The following HDLBP variants were observed in gnomAD, a reference collection of about 807,000 sequenced individuals.
HDLBP encodes high density lipoprotein binding protein.
Under a neutral mutation model 137.3 loss-of-function variants are expected in HDLBP, and 30 were observed. The ratio of observed to expected loss-of-function variants is 0.22; its 90% CI spans 0.16 to 0.30. The LOEUF is 0.30. Among genes scored for constraint, HDLBP ranks in the 10% least tolerant of loss-of-function variants. The probability of loss-of-function intolerance (pLI) is 1.00; values close to 1 mark genes in which losing one functional copy is unlikely to be tolerated. For missense variants in HDLBP, 1,119 were observed against 1,667.3 expected, an observed-to-expected ratio of 0.67 and a Z score of 5.73; for synonymous variants, 606 against 596.0, an observed-to-expected ratio of 1.02 and a Z score of -0.24.
chr2:241,277,736 C>G (rs868458980), intron 1 of HDLBP, among the ~76,000 whole-genome samples: 1 of 151,962 alleles, frequency 6.6e-6, no homozygotes, highest in Non-Finnish European at 1.5e-5. Context: ...CCGAGGCGGG[C>G]GGATCACCTG....
Position 241,230,141 on chromosome 2 carries a change from A to G in HDLBP, c.3591+12T>C. 1.2e-6 allele frequency: 2 copies of G among 1,606,050 alleles called. 1 individual carries two copies. The highest frequency in any genetic ancestry group is 2.2e-5 in the South Asian group (2 of 90,940). On this transcript the variant is annotated intron_variant, in intron 26 of 27. Transcript: ENST00000310931. The surrounding 1 kb of genome is among the most constrained non-coding windows in gnomAD (Gnocchi z 5.0). ...AGGGCGCCTCAGGGCTCCAAGGCCC[A>G]CAGAGACTCACGTATTCCTCCTCCA... is the stretch of plus-strand genomic sequence containing the variant.
At chr2:241,282,690 C>A (rs1268497308) in intron 1 of HDLBP, among the ~76,000 whole-genome samples, 3 of 152,136 alleles carry the variant, frequency 2.0e-5, no homozygotes, top group Non-Finnish European at 4.4e-5. Flanking sequence ...GATCTGTAAT[C>A]CTTGATGTTA....
chr2:241,297,192 G>A (rs1397476676), intron 1 of HDLBP, among the ~76,000 whole-genome samples: 1 of 152,246 alleles, frequency 6.6e-6, no homozygotes, highest in East Asian at 1.9e-4. Flanking sequence ...CCCAAGTGGA[G>A]TGAGGAAGAT....
chr2:241,253,595 C>T (rs2072377163), intron 9 of HDLBP, 98 bp from the exon 10 acceptor site: 1 of 772,274 alleles, frequency 1.3e-6, no homozygotes, highest in African/African-American at 1.7e-5. Flanking sequence ...CTTCTGATCC[C>T]AAACTGCTTC....
intron 1 of HDLBP, among the ~76,000 whole-genome samples, chr2:241,278,513 G>A (rs1014332592): frequency 5.9e-5 from 9 of 151,950 alleles, no homozygotes; most frequent in Non-Finnish European, 1.3e-4. Context: ...AACCCGGGAG[G>A]TGGAGGTTGC....
chr2:241,276,139 G>A (rs1481666398), intron 1 of HDLBP, among the ~76,000 whole-genome samples: 1 of 152,200 alleles, frequency 6.6e-6, no homozygotes, highest in Non-Finnish European at 1.5e-5. Flanking sequence ...GTGGAAGGGG[G>A]ATATGAAGTT....
chr2:241,242,803 T>A, intron 16 of HDLBP, 125 bp from the exon 17 acceptor site: 1 of 842,160 alleles, frequency 1.2e-6, no homozygotes, highest in African/African-American at 1.7e-5. Flanking sequence ...AGATGCCACT[T>A]ACAAGCACTG....
intron 16 of HDLBP, among the ~76,000 whole-genome samples, chr2:241,244,718 C>T (rs993804120): frequency 2.0e-5 from 3 of 152,080 alleles, no homozygotes; most frequent in Non-Finnish European, 2.9e-5. Flanking sequence ...ACAAGGATCA[C>T]GCCAAGAAAT....
chr2:241,256,091 T>TA, intron 7 of HDLBP, 93 bp downstream of exon 7: 1 of 1,053,946 alleles, frequency 9.5e-7, no homozygotes, highest in Non-Finnish European at 1.4e-6. Context: ...GACAAAAAGA[T>TA]AAGGGGCAGA....
chr2:241,272,589 A>C lies in HDLBP; in HGVS notation c.-102-4048T>G, dbSNP rs1160432893. On this transcript the variant is annotated intron_variant, in intron 1 of 27. Coordinates refer to ENST00000310931, the MANE Select transcript of HDLBP (RefSeq NM_005336.6). The surrounding 1 kb of genome is among the most constrained non-coding windows in gnomAD (Gnocchi z 5.6). ...GGAACCGCCACGCGCGGTAAGCAGG[A>C]CACCCGCGGGCGGGGGCCGCAGCCT... The C allele has an allele frequency of 1.0e-6, 1 of 983,242 alleles. No individual in the cohort carries two copies. The highest frequency in any genetic ancestry group is 1.2e-4 in the East Asian group (1 of 8,656). 60.9% of individuals were successfully genotyped at this position (983,242 alleles called of 1,614,324 possible).
In HDLBP at chr2:241,230,130, C is replaced by T. The variant is rs1452470218; in HGVS notation, c.3591+23G>A. Reference sequence around the variant, plus strand: ...GTGGACGTGCCAGGGCGCCTCAGGGCTCCAAGGCCCACAGAGACTCACGTA... The same window carrying T: ...GTGGACGTGCCAGGGCGCCTCAGGGTTCCAAGGCCCACAGAGACTCACGTA... On this transcript the variant is annotated intron_variant, in intron 26 of 27. Coordinates refer to ENST00000310931, the MANE Select transcript of HDLBP (RefSeq NM_005336.6). The surrounding 1 kb of genome is among the most constrained non-coding windows in gnomAD (Gnocchi z 5.0). The T allele has an allele frequency of 1.9e-6, 3 of 1,600,820 alleles. No homozygotes were observed. The highest frequency in any genetic ancestry group is 2.6e-6 in the Non-Finnish European group (3 of 1,168,150).
intron 17 of HDLBP, among the ~76,000 whole-genome samples, chr2:241,241,842 G>A (rs530212586): frequency 3.9e-5 from 6 of 152,242 alleles, no homozygotes; most frequent in Admixed American, 1.3e-4. Flanking sequence ...ATGGAGAAAT[G>A]CCTGCAAAAG....
At chr2:241,282,133 T>C (rs2074631889) in intron 1 of HDLBP, among the ~76,000 whole-genome samples, 1 of 152,232 alleles carries the variant, frequency 6.6e-6, no homozygotes, top group Non-Finnish European at 1.5e-5. Flanking sequence ...GGCTCAAACA[T>C]TTCTGGGGAA....
intron 1 of HDLBP, among the ~76,000 whole-genome samples, chr2:241,298,339 C>T (rs2075262199): frequency 6.6e-6 from 1 of 151,738 alleles, no homozygotes; most frequent in African/African-American, 2.4e-5. Flanking sequence ...GCACTCCTGC[C>T]TGGGCGACAG....
In HDLBP at chr2:241,228,711, C is replaced by T. The variant is rs1050865645; in HGVS notation, c.*890G>A. 3 of 152,984 alleles carry T rather than the reference C, an allele frequency of 2.0e-5. No individual in the cohort carries two copies. The highest frequency in any genetic ancestry group is 2.9e-5 in the Non-Finnish European group (2 of 68,244). 9.5% of individuals were successfully genotyped at this position (152,984 alleles called of 1,614,324 possible). Reference sequence around the variant, plus strand: ...CTGAGGTAGAAAGAAGGCAACTGAACACACAGCAGCTAGGGCAGGGGCAGG... The same window carrying T: ...CTGAGGTAGAAAGAAGGCAACTGAATACACAGCAGCTAGGGCAGGGGCAGG... On this transcript the variant is annotated 3_prime_UTR_variant, in exon 28 of 28. Transcript: ENST00000310931.
chr2:241,247,165 C>T (rs748388427), intron 14 of HDLBP, 23 bp from the exon 15 acceptor site: 14 of 1,439,678 alleles, frequency 9.7e-6, no homozygotes, highest in African/African-American at 1.4e-5. Flanking sequence ...AAACACAGCC[C>T]GATTCACCAC....
intron 1 of HDLBP, among the ~76,000 whole-genome samples, chr2:241,305,366 A>AC (rs1451933299): frequency 2.0e-5 from 3 of 151,908 alleles, no homozygotes; most frequent in Non-Finnish European, 4.4e-5. Context: ...CAGGTGATCC[A>AC]CCCGCCTCAG....
rs757179842 is a variant in HDLBP, at chr2:241,238,635, A to C, written c.2749+14T>G. 6.5e-7 allele frequency: 1 copy of C among 1,546,816 alleles called. No homozygotes were observed. Among genetic ancestry groups the C allele is most frequent in the South Asian group, 1.2e-5 (1 of 83,184 alleles). On this transcript the variant is annotated intron_variant, in intron 20 of 27. Transcript: ENST00000310931. The surrounding 1 kb of genome is among the most constrained non-coding windows in gnomAD (Gnocchi z 4.9). ...CACTATTAACAAGCAGAGCAGGGCT[A>C]ATGGGGGACCCACCTGCGTTCTCCT...
At chr2:241,273,795 T>C (rs2074284978) in intron 1 of HDLBP, 3 of 323,500 alleles carry the variant, frequency 9.3e-6, no homozygotes, top group Non-Finnish European at 1.3e-5. Flanking sequence ...ACGGGTGCTG[T>C]TGAGGATGGT....
Sources: gnomAD v4.1 joint callset for allele counts (sites outside exome capture counted in the v4.1 genomes callset) on GRCh38, gnomAD v4.1.1 for gene constraint, Gnocchi (gnomAD v3.1) non-coding constraint, MANE v1.5 for transcripts, NCBI Gene and HGNC (gene_info 2026-07-23, HGNC 2026-07-21) for gene names.